The following RIN3 variants were observed in gnomAD, a reference collection of about 807,000 sequenced individuals.
RIN3 encodes Ras and Rab interactor 3.
Under a neutral mutation model 76.3 loss-of-function variants are expected in RIN3, and 54 were observed. That is an observed-to-expected ratio of 0.71 (90% CI 0.57 to 0.89). RIN3 has a LOEUF of 0.89. Ranked by LOEUF, RIN3 falls within the 40% of genes least tolerant of loss-of-function variation. The pLI, the probability that RIN3 is intolerant of heterozygous loss-of-function variation, is 0.00. For synonymous variants in RIN3, 576 were observed against 564.0 expected (o/e 1.02, Z -0.30); for missense variants, 1,256 against 1,322.1 (o/e 0.95, Z 0.78).
At chr14:92,559,727 T>G (rs1159934262) in intron 2 of RIN3, among the ~76,000 whole-genome samples, 1 of 152,038 alleles carries the variant, frequency 6.6e-6, no homozygotes, top group African/African-American at 2.4e-5. Context: ...ATGGGCAGGT[T>G]GGGATGGGGG....
At chr14:92,531,243 A>G (rs1450277339) in intron 1 of RIN3, among the ~76,000 whole-genome samples, 1 of 152,146 alleles carries the variant, frequency 6.6e-6, no homozygotes, top group Non-Finnish European at 1.5e-5. Flanking sequence ...CTAGACACCA[A>G]ACCCTGTCAT....
chr14:92,582,333 A>G (rs112642794), intron 3 of RIN3, among the ~76,000 whole-genome samples: 2 of 152,072 alleles, frequency 1.3e-5, no homozygotes, highest in Non-Finnish European at 2.9e-5. Flanking sequence ...AAAACCAAAA[A>G]TCTTTCTTGT....
chr14:92,682,759 G>A (rs1888712636), intron 8 of RIN3, among the ~76,000 whole-genome samples: 2 of 152,220 alleles, frequency 1.3e-5, no homozygotes, highest in African/African-American at 2.4e-5. Flanking sequence ...AGGGAGTCAG[G>A]GAAGTGAGCA....
At chr14:92,625,991 C>T (rs748157857) in intron 4 of RIN3, among the ~76,000 whole-genome samples, 5 of 152,110 alleles carry the variant, frequency 3.3e-5, no homozygotes, top group Non-Finnish European at 5.9e-5. Context: ...ATATTCCTTG[C>T]CCAAGAGGGT....
At position 92,582,561 on chromosome 14, in the gene RIN3, T is replaced by C. The variant is rs1884594427; in HGVS notation, c.367+5084T>C. On this transcript the variant is annotated intron_variant, in intron 3 of 9. Transcript: ENST00000216487. ...TCTGCCTCCCGAGTTCAAGCAAGTC[T>C]CCAGCCTCAGCCTCCTGAGTAGCTG... 2.0e-5 allele frequency among the ~76,000 whole-genome samples: 3 copies of C among 151,150 alleles called. No homozygotes were observed. In the South Asian group the frequency reaches 6.3e-4, roughly 32 times the overall value.
chr14:92,626,167 T>C (rs1295107040), intron 4 of RIN3, among the ~76,000 whole-genome samples: 1 of 152,196 alleles, frequency 6.6e-6, no homozygotes, highest in Non-Finnish European at 1.5e-5. Context: ...CTAAGATCTT[T>C]CATATTTTCC....
At chr14:92,606,547 AAAATAAAT>A (rs146771092) in intron 3 of RIN3, among the ~76,000 whole-genome samples, 1 of 152,112 alleles carries the variant, frequency 6.6e-6, no homozygotes, top group Non-Finnish European at 1.5e-5. Context: ...CCTGTCTCAA[AAAATAAAT>A]AAATAAATAA....
intron 1 of RIN3, among the ~76,000 whole-genome samples, chr14:92,541,070 T>G (rs1392808749): frequency 2.6e-5 from 4 of 152,346 alleles, no homozygotes; most frequent in African/African-American, 9.6e-5. Context: ...ACCTACTATT[T>G]GTATTAAGAG....
intron 7 of RIN3, among the ~76,000 whole-genome samples, chr14:92,676,080 G>A (rs547628055): frequency 6.6e-6 from 1 of 152,166 alleles, no homozygotes; most frequent in South Asian, 2.1e-4. Context: ...GGAGGGAGAT[G>A]TATGATTCGT....
At chr14:92,649,254 C>T (rs776300612) in intron 5 of RIN3, among the ~76,000 whole-genome samples, 17 of 152,170 alleles carry the variant, frequency 1.1e-4, no homozygotes, top group Non-Finnish European at 2.1e-4. Context: ...CCCATGACAC[C>T]ACCTTCACCC....
chr14:92,676,506 T>G lies in RIN3; in HGVS notation c.2367T>G (p.Pro789=). Residue 789 remains proline (P), a synonymous_variant, in exon 8 of 10, where the codon CCT becomes CCG. Transcript: ENST00000216487. The part of the protein sequence containing the change: ...GKPYGADDFL[P]VLMYVLARSN... ...CCTATGGGGCGGATGACTTCCTGCC[T>G]GTGCTCATGTATGTGCTGGCCCGCA... The G allele has an allele frequency of 3.7e-6, 6 of 1,614,156 alleles. No homozygotes were observed. The highest frequency in any genetic ancestry group is 5.1e-6 in the Non-Finnish European group (6 of 1,180,004).
chr14:92,654,313 TAAA>T (rs35920629), intron 6 of RIN3, among the ~76,000 whole-genome samples: 2 of 131,032 alleles, frequency 1.5e-5, no homozygotes, highest in African/African-American at 2.9e-5. Flanking sequence ...AAACTCTGTC[TAAA>T]AAAAAAAAAA....
In RIN3 at chr14:92,640,026, C is replaced by G. The variant is rs1477760968; in HGVS notation, c.441-1212C>G. Reference sequence around the variant, plus strand: ...GGGAGATGCCTGACTGTGTGTTCGTCGAGGGCTGCCTGACTGTGTGTTCGT... The same window carrying G: ...GGGAGATGCCTGACTGTGTGTTCGTGGAGGGCTGCCTGACTGTGTGTTCGT... On this transcript the variant is annotated intron_variant, in intron 4 of 9. Coordinates refer to ENST00000216487, the MANE Select transcript of RIN3 (RefSeq NM_024832.5). Among the ~76,000 whole-genome samples, 4 of 124,568 alleles carry G rather than the reference C, an allele frequency of 3.2e-5. No individual in the cohort carries two copies. In the Admixed American group the frequency reaches 3.6e-4, roughly 11 times the overall value. 81.7% of individuals were successfully genotyped at this position (124,568 alleles called of 152,430 possible). A position where few individuals can be genotyped will look rare whatever the true frequency, so the allele number is the denominator to read the frequency against.
At chr14:92,536,196 TC>T (rs529121085) in intron 1 of RIN3, among the ~76,000 whole-genome samples, 83 of 152,274 alleles carry the variant, frequency 5.5e-4, no homozygotes, top group African/African-American at 1.9e-3. Flanking sequence ...GCCTGGATCT[TC>T]TCAGCCCCTT....
chr14:92,652,907 G>T lies in RIN3; in HGVS notation c.1858G>T (p.Val620Leu), dbSNP rs758340968. 1 of 1,614,050 alleles carries T rather than the reference G, an allele frequency of 6.2e-7. No individual in the cohort carries two copies. The highest frequency in any genetic ancestry group is 8.5e-7 in the Non-Finnish European group (1 of 1,180,042). The change falls in exon 6 of 10, where the codon GTG (valine) becomes TTG (leucine). Residue 620 changes from valine to leucine, a missense_variant. Val to Leu is a conservative substitution (Grantham distance 32). Around this residue, in one of 3 missense-constraint regions of RIN3, gnomAD observed 428 missense variants for 521.2 expected, o/e 0.82. Transcript: ENST00000216487. This position sits in a 1 kb window ranked among gnomAD's most constrained non-coding sequence, Gnocchi z 6.4. ...CAAGGGCTCGTACTTTGGCAGCCTG[G>T]TGCAGGACTACAAGGTGTACAGCCT... ...QDKGSYFGSLVQDYKVYSLEM... is the reference protein window; with the variant it reads ...QDKGSYFGSLLQDYKVYSLEM...
At chr14:92,653,611 T>TA (rs1474037946) in intron 6 of RIN3, among the ~76,000 whole-genome samples, 1 of 152,178 alleles carries the variant, frequency 6.6e-6, no homozygotes, top group African/African-American at 2.4e-5. Context: ...CCTTCTAAAG[T>TA]AGCCCCTAGC....
chr14:92,520,782 C>T (rs1310786465), intron 1 of RIN3, among the ~76,000 whole-genome samples: 1 of 152,186 alleles, frequency 6.6e-6, no homozygotes, highest in Admixed American at 6.5e-5. Context: ...TCTCTGGCTA[C>T]AGGGAACAAG....
chr14:92,559,198 C>T (rs1421431429), intron 2 of RIN3, among the ~76,000 whole-genome samples: 2 of 152,270 alleles, frequency 1.3e-5, no homozygotes, highest in East Asian at 3.9e-4. Context: ...TAAGATCTGA[C>T]TCTTGCCAGA....
chr14:92,572,335 G>A (rs1245601978), intron 2 of RIN3, among the ~76,000 whole-genome samples: 1 of 152,198 alleles, frequency 6.6e-6, no homozygotes, highest in Non-Finnish European at 1.5e-5. Flanking sequence ...CTAGAAGAAG[G>A]TCCTATACAA....
Sources: allele counts gnomAD v4.1 joint callset (sites outside exome capture counted in the v4.1 genomes callset), GRCh38; gene constraint gnomAD v4.1.1; regional missense constraint gnomAD v4.1.1; non-coding constraint Gnocchi (gnomAD v3.1); transcripts MANE v1.5; gene names NCBI Gene and HGNC (gene_info 2026-07-23, HGNC 2026-07-21).